Variants in AMTN observed in about 807,000 individuals in gnomAD.
The protein encoded by AMTN is amelotin.
Under a neutral mutation model 27.4 loss-of-function variants are expected in AMTN, and 29 were observed. The observed-to-expected ratio is 1.06, with a 90% CI of 0.79 to 1.44. The LOEUF (loss-of-function observed/expected upper bound fraction) is 1.44. AMTN is among the 40% of genes most tolerant of loss of function. The probability of loss-of-function intolerance (pLI) is 0.00; values close to 1 mark genes in which losing one functional copy is unlikely to be tolerated. For missense variants in AMTN, 247 were observed against 248.8 expected (o/e 0.99, Z 0.05); for synonymous variants, 86 against 95.7 (o/e 0.90, Z 0.59).
intron 5 of AMTN, among the ~76,000 whole-genome samples, chr4:70,527,840 T>C (rs973895925): frequency 6.6e-6 from 1 of 152,202 alleles, no homozygotes; most frequent in Non-Finnish European, 1.5e-5. Flanking sequence ...CTTTTTCATC[T>C]TTTTGTGAAC....
intron 2 of AMTN, among the ~76,000 whole-genome samples, chr4:70,519,185 G>C (rs1037162373): frequency 6.6e-6 from 1 of 152,132 alleles, no homozygotes; most frequent in Non-Finnish European, 1.5e-5. Flanking sequence ...CATGAATAAA[G>C]AGGTGAACTA....
intron 5 of AMTN, among the ~76,000 whole-genome samples, chr4:70,525,683 C>T (rs1287649985): frequency 6.6e-6 from 1 of 152,094 alleles, no homozygotes; most frequent in Admixed American, 6.6e-5. Flanking sequence ...ATCACTTGAG[C>T]CCAGGCATTT....
chr4:70,529,854 T>C (rs35548553), intron 7 of AMTN, among the ~76,000 whole-genome samples: 46,982 of 152,060 alleles, frequency 0.31, 8,809 homozygotes, highest in Admixed American at 0.42. Context: ...TTATGGAAAA[T>C]GTAGATATTT....
intron 2 of AMTN, among the ~76,000 whole-genome samples, chr4:70,522,033 G>A (rs1451188801): frequency 6.6e-6 from 1 of 152,136 alleles, no homozygotes; most frequent in Non-Finnish European, 1.5e-5. Context: ...CCACACCCCT[G>A]TGCCTTCCAG....
Position 70,521,640 on chromosome 4 carries a change from C to CTTTTTTTTTTTTTTT in AMTN, c.55-1093_55-1079dup, listed in dbSNP as rs763143860. On this transcript the variant is annotated intron_variant, in intron 2 of 8. Coordinates refer to ENST00000339336, the MANE Select transcript of AMTN (RefSeq NM_212557.4). Reference sequence around the variant, plus strand: ...CCTAGAACAGATAATACCAACCTCTCTTTTTTTTTTTTTTTTTTTTTTTTT... The same window carrying CTTTTTTTTTTTTTTT: ...CCTAGAACAGATAATACCAACCTCTCTTTTTTTTTTTTTTTTTTTTTTTTTTTTTTTTTTTTTTTT... Among the ~76,000 whole-genome samples, 56 of 76,482 alleles carry CTTTTTTTTTTTTTTT rather than the reference C, an allele frequency of 7.3e-4. 12 individuals carry two copies. Among genetic ancestry groups the CTTTTTTTTTTTTTTT allele is most frequent in the East Asian group, 1.6e-3 (3 of 1,884 alleles). 50.2% of individuals were successfully genotyped at this position (76,482 alleles called of 152,430 possible). A position where few individuals can be genotyped will look rare whatever the true frequency, so the allele number is the denominator to read the frequency against.
chr4:70,531,341 A>C, intron 8 of AMTN, 41 bp downstream of exon 8: 2 of 1,607,290 alleles, frequency 1.2e-6, no homozygotes, highest in Non-Finnish European at 1.7e-6. Flanking sequence ...TGGCTATAAA[A>C]GTCATCTGCA....
rs1736152977 is a variant in AMTN at position 70,528,748 on chromosome 4, T to A, written c.320T>A (p.Leu107His). The change falls in exon 6 of 9, where the codon CTT (leucine) becomes CAT (histidine). Residue 107 changes from leucine (L) to histidine (H), a missense_variant. Leu to His is a moderately conservative substitution (Grantham distance 99). Transcript: ENST00000339336. ...GTGTTACCAATTTTTGTCACACAAC[T>A]TGGAGCCCAGGTAAAAATTATGCTT... ...PHVLPIFVTQLGAQGTILSSE... is the reference protein window; with the variant it reads ...PHVLPIFVTQHGAQGTILSSE... 1 of 1,598,806 alleles carries A rather than the reference T, an allele frequency of 6.3e-7. No homozygotes were observed.
At chr4:70,520,986 A>C (rs1735942328) in intron 2 of AMTN, among the ~76,000 whole-genome samples, 1 of 152,166 alleles carries the variant, frequency 6.6e-6, no homozygotes, top group South Asian at 2.1e-4. Context: ...GCCAGAGCAG[A>C]GTGAGGGAGG....
intron 3 of AMTN, 146 bp from the exon 4 acceptor site, chr4:70,523,722 G>T: frequency 1.5e-6 from 1 of 670,478 alleles, no homozygotes. Flanking sequence ...CAATGCTAGT[G>T]AGAGGCCCCG....
chr4:70,531,386 C>A, intron 8 of AMTN, 86 bp downstream of exon 8: 1 of 1,533,314 alleles, frequency 6.5e-7, no homozygotes, highest in Non-Finnish European at 8.9e-7. Context: ...CTTGCCTTGA[C>A]AAATGCAGAT....
intron 1 of AMTN, 23 bp from the exon 2 acceptor site, chr4:70,518,740 G>C: frequency 6.8e-7 from 1 of 1,462,010 alleles, no homozygotes; most frequent in Non-Finnish European, 9.5e-7. Context: ...ACATGGAAGA[G>C]TAACACTTTT....
chr4:70,522,382 G>A (rs981203131), intron 2 of AMTN, among the ~76,000 whole-genome samples: 1 of 152,086 alleles, frequency 6.6e-6, no homozygotes, highest in Non-Finnish European at 1.5e-5. Context: ...TAAGAATGAC[G>A]GCAGCTTACC....
At chr4:70,519,762 CAAATGAT>C (rs1735911336) in intron 2 of AMTN, among the ~76,000 whole-genome samples, 1 of 149,750 alleles carries the variant, frequency 6.7e-6, no homozygotes. Flanking sequence ...ATTTTTTACT[CAAATGAT>C]TTTTAAAGAA....
chr4:70,529,091 A>C, intron 6 of AMTN, 93 bp from the exon 7 acceptor site: 1 of 1,144,218 alleles, frequency 8.7e-7, no homozygotes, highest in Non-Finnish European at 1.2e-6. Context: ...ATAATCTTTG[A>C]AAGTATTTTA....
intron 6 of AMTN, 140 bp downstream of exon 6, chr4:70,528,898 C>A: frequency 1.3e-6 from 1 of 741,388 alleles, no homozygotes; most frequent in Non-Finnish European, 2.1e-6. Flanking sequence ...CAAGAGCTTG[C>A]TTTCTGCATA....
At chr4:70,519,370 A>G (rs1161713743) in intron 2 of AMTN, among the ~76,000 whole-genome samples, 5 of 152,220 alleles carry the variant, frequency 3.3e-5, no homozygotes, top group African/African-American at 4.8e-5. Flanking sequence ...AAAAAGCCCT[A>G]TAACTCCAAC....
intron 7 of AMTN, among the ~76,000 whole-genome samples, chr4:70,529,722 T>C (rs17733413): frequency 0.18 from 27,542 of 152,114 alleles, 2,814 homozygotes; most frequent in African/African-American, 0.26. Flanking sequence ...TAAACACTTC[T>C]ATGCATTCCT....
chr4:70,531,375 T>C (rs1262499662), intron 8 of AMTN, 75 bp downstream of exon 8: 5 of 1,573,390 alleles, frequency 3.2e-6, no homozygotes, highest in South Asian at 2.3e-5. Flanking sequence ...GAGTTCTTTG[T>C]CTTGCCTTGA....
At chr4:70,519,913 C>T (rs1418104605) in intron 2 of AMTN, among the ~76,000 whole-genome samples, 1 of 147,112 alleles carries the variant, frequency 6.8e-6, no homozygotes. Flanking sequence ...ATACTACATA[C>T]GTGTGTGTGT....
Sources: gnomAD v4.1 joint callset for allele counts (sites outside exome capture counted in the v4.1 genomes callset) on GRCh38, gnomAD v4.1.1 for gene constraint, MANE v1.5 for transcripts, NCBI Gene and HGNC (gene_info 2026-07-23, HGNC 2026-07-21) for gene names.